The following ASAP2 variants were observed in gnomAD, a reference collection of about 807,000 sequenced individuals.
ASAP2 encodes the protein arf-GAP with SH3 domain, ANK repeat and PH domain-containing protein 2.
A neutral mutation model predicts 131.4 loss-of-function variants in ASAP2; 45 were observed. That is an observed-to-expected ratio of 0.34 (90% CI 0.27 to 0.44). The LOEUF (loss-of-function observed/expected upper bound fraction) is 0.44, where lower values mean the gene tolerates loss of function less well. Among genes scored for constraint, ASAP2 ranks in the 20% least tolerant of loss-of-function variants. The pLI, the probability that ASAP2 is intolerant of heterozygous loss-of-function variation, is 1.00. For synonymous variants in ASAP2, 510 were observed against 503.0 expected (o/e 1.01, Z -0.19); for missense variants, 1,011 against 1,297.0 (o/e 0.78, Z 3.39).
chr2:9,283,604 C>T (rs1572348936), intron 2 of ASAP2, among the ~76,000 whole-genome samples: 2 of 152,290 alleles, frequency 1.3e-5, no homozygotes, highest in Middle Eastern at 6.8e-3. Context: ...TCTCACACTG[C>T]ATTGCTCTGA....
intron 1 of ASAP2, among the ~76,000 whole-genome samples, chr2:9,213,956 GGAAA>G (rs373188977): frequency 6.6e-6 from 1 of 152,304 alleles, no homozygotes; most frequent in African/African-American, 2.4e-5. Context: ...TGGGGCCCAG[GGAAA>G]GAGAGAAGCA....
At chr2:9,352,231 A>G (rs1260843099) in intron 12 of ASAP2, among the ~76,000 whole-genome samples, 2 of 151,388 alleles carry the variant, frequency 1.3e-5, no homozygotes, top group African/African-American at 4.9e-5. Flanking sequence ...ACACACACAC[A>G]CACACACACA....
Position 9,279,435 on chromosome 2 carries a change from C to T in ASAP2, c.199+46C>T, listed in dbSNP as rs746374721. 8 of 1,561,414 alleles carry T rather than the reference C, an allele frequency of 5.1e-6. No homozygotes were observed. In the East Asian group the frequency reaches 1.6e-4, roughly 31 times the overall value. On this transcript the variant is annotated intron_variant, in intron 2 of 27. Coordinates refer to ENST00000281419, the MANE Select transcript of ASAP2 (RefSeq NM_003887.3). The stretch of plus-strand genomic sequence containing the variant: ...AGAGGTTTCTGTGTGGAAAATGTCG[C>T]ATTTGAAGTCCTGGTACCGTAATAT...
rs774160777 is a variant in ASAP2, at chr2:9,400,805, C to A, written c.2798C>A (p.Ala933Glu). 3 of 1,613,578 alleles carry A rather than the reference C, an allele frequency of 1.9e-6. No individual in the cohort carries two copies. The highest frequency in any genetic ancestry group is 2.5e-6 in the Non-Finnish European group (3 of 1,179,974). ...LSNAMVLQPP[A>E]PMPRKSQATK... Reference sequence around the variant, plus strand: ...AATGCTATGGTCCTGCAGCCCCCTGCACCCATGCCTAGGAAGTCGCAGGCA... The same window carrying A: ...AATGCTATGGTCCTGCAGCCCCCTGAACCCATGCCTAGGAAGTCGCAGGCA... The change falls in exon 26 of 28, where the codon GCA (alanine) becomes GAA (glutamate). Residue 933 changes from alanine (A) to glutamate (E), a missense_variant. By Grantham distance (107) the Ala-to-Glu change is moderately radical. Transcript: ENST00000281419.
At chr2:9,254,284 A>G (rs1194773296) in intron 1 of ASAP2, among the ~76,000 whole-genome samples, 1 of 129,216 alleles carries the variant, frequency 7.7e-6, no homozygotes, top group Non-Finnish European at 1.6e-5. Flanking sequence ...TATATATAGT[A>G]TATTGTTATA....
intron 2 of ASAP2, among the ~76,000 whole-genome samples, chr2:9,294,736 C>A (rs1173875178): frequency 6.6e-6 from 1 of 152,196 alleles, no homozygotes; most frequent in Admixed American, 6.5e-5. Context: ...AGGGACACCA[C>A]GAGGCTGCAT....
intron 1 of ASAP2, among the ~76,000 whole-genome samples, chr2:9,249,340 C>T (rs1225686897): frequency 1.3e-5 from 2 of 152,210 alleles, no homozygotes; most frequent in Non-Finnish European, 2.9e-5. Flanking sequence ...GCCCTCACGT[C>T]TCTAGAGAGG....
intron 3 of ASAP2, among the ~76,000 whole-genome samples, chr2:9,305,843 G>A (rs1668887822): frequency 6.6e-6 from 1 of 150,630 alleles, no homozygotes; most frequent in African/African-American, 2.4e-5. Flanking sequence ...TGTAATAGTG[G>A]GGTATAGATA....
chr2:9,238,726 C>G (rs1324495688), intron 1 of ASAP2, among the ~76,000 whole-genome samples: 1 of 151,954 alleles, frequency 6.6e-6, no homozygotes, highest in African/African-American at 2.4e-5. Flanking sequence ...TGAAATTTAC[C>G]CTAAGAGTAC....
chr2:9,393,529 G>A lies in ASAP2; in HGVS notation c.2566G>A (p.Val856Ile), dbSNP rs771896140. 5.0e-5 allele frequency: 80 copies of A among 1,602,678 alleles called. No individual in the cohort carries two copies. Among genetic ancestry groups the A allele is most frequent in the African/African-American group, 9.4e-5 (7 of 74,496 alleles). ...CCCACCCGTTGCCAAGACGCCCAGC[G>A]TAATGGAAGCCTTGAGCCAGCCGAG... is the stretch of plus-strand genomic sequence containing the variant. The part of the protein sequence containing the change: ...PPPPVAKTPS[V>I]MEALSQPSKP... The change falls in exon 24 of 28, where the codon GTA becomes ATA. Residue 856 changes from valine (V) to isoleucine (I), a missense_variant. Around this residue, in one of 2 missense-constraint regions of ASAP2, gnomAD observed 652 missense variants for 698.9 expected, o/e 0.93. Coordinates refer to ENST00000281419, the MANE Select transcript of ASAP2 (RefSeq NM_003887.3).
At chr2:9,328,845 A>G (rs1670644483) in intron 7 of ASAP2, among the ~76,000 whole-genome samples, 1 of 152,260 alleles carries the variant, frequency 6.6e-6, no homozygotes, top group Non-Finnish European at 1.5e-5. Context: ...GGGAAGTTAG[A>G]CTGAAAGAGA....
intron 11 of ASAP2, among the ~76,000 whole-genome samples, chr2:9,347,534 G>T (rs1672049236): frequency 6.6e-6 from 1 of 152,198 alleles, no homozygotes; most frequent in South Asian, 2.1e-4. Context: ...GAAGCACACA[G>T]GGTGTATTTA....
chr2:9,365,906 C>T (rs1296197432), intron 15 of ASAP2, among the ~76,000 whole-genome samples: 1 of 152,072 alleles, frequency 6.6e-6, no homozygotes, highest in Admixed American at 6.5e-5. Context: ...GCTGAGCTAC[C>T]CTGGGTGATA....
At chr2:9,400,264 C>T (rs1481204522) in intron 25 of ASAP2, among the ~76,000 whole-genome samples, 192 bp downstream of exon 25, 1 of 115,914 alleles carries the variant, frequency 8.6e-6, no homozygotes, top group Non-Finnish European at 1.8e-5. Flanking sequence ...CTCCTGCCCT[C>T]TTCCTCTCCT....
chr2:9,334,017 T>C (rs1375140436), intron 7 of ASAP2, among the ~76,000 whole-genome samples: 1 of 145,440 alleles, frequency 6.9e-6, no homozygotes, highest in Non-Finnish European at 1.5e-5. Context: ...TATTTCTCTC[T>C]CTCTCTGTCT....
intron 1 of ASAP2, among the ~76,000 whole-genome samples, chr2:9,241,697 ATG>A (rs1402903759): frequency 6.6e-6 from 1 of 152,214 alleles, no homozygotes; most frequent in African/African-American, 2.4e-5. Context: ...CACCAAAGAT[ATG>A]TACTGTAATT....
chr2:9,400,464 C>T (rs1460890880), intron 25 of ASAP2, among the ~76,000 whole-genome samples: 1 of 148,342 alleles, frequency 6.7e-6, no homozygotes, highest in African/African-American at 2.5e-5. Flanking sequence ...GCCATCCTCC[C>T]TCCTCCCTCG....
intron 3 of ASAP2, among the ~76,000 whole-genome samples, chr2:9,310,783 A>G (rs981987658): frequency 4.6e-5 from 7 of 151,928 alleles, no homozygotes; most frequent in African/African-American, 1.7e-4. Flanking sequence ...ACCACCATCC[A>G]CCCCCACCAA....
At chr2:9,282,703 G>A (rs764943786) in intron 2 of ASAP2, among the ~76,000 whole-genome samples, 2 of 152,130 alleles carry the variant, frequency 1.3e-5, no homozygotes, top group African/African-American at 2.4e-5. Context: ...TTTTATGTAC[G>A]ATTGAAAGAA....
Sources: allele counts gnomAD v4.1 joint callset (sites outside exome capture counted in the v4.1 genomes callset), GRCh38; gene constraint gnomAD v4.1.1; regional missense constraint gnomAD v4.1.1; transcripts MANE v1.5; gene names NCBI Gene and HGNC (gene_info 2026-07-23, HGNC 2026-07-21).